Variants in ANKEF1 observed in about 807,000 individuals in gnomAD.
The protein encoded by ANKEF1 is ankyrin repeat and EF-hand domain-containing protein 1.
A neutral mutation model predicts 65.1 loss-of-function variants in ANKEF1; 43 were observed. The ratio of observed to expected loss-of-function variants is 0.66; its 90% CI spans 0.52 to 0.85. The LOEUF (loss-of-function observed/expected upper bound fraction) is 0.85. ANKEF1 is among the 40% of genes least tolerant of loss of function. ANKEF1 has a pLI of 0.00. For synonymous variants in ANKEF1, 316 were observed against 341.5 expected, an observed-to-expected ratio of 0.93 and a Z score of 0.82; for missense variants, 934 against 952.9, an observed-to-expected ratio of 0.98 and a Z score of 0.26.
rs140414240 is a variant in ANKEF1, at chr20:10,055,104, G to A, written c.2173-398G>A. Among the ~76,000 whole-genome samples, 854 of 152,176 alleles carry A rather than the reference G, an allele frequency of 5.6e-3. 4 individuals are homozygous for A. Among genetic ancestry groups the A allele is most frequent in the Non-Finnish European group, 8.2e-3 (557 of 67,998 alleles). ...CCAGGCTGAACAAGCAGCTCCCCTC[G>A]CCTTCTATTATAAAAATAATTTTGA... On this transcript the variant is annotated intron_variant, in intron 10 of 10. Coordinates refer to ENST00000378392, the MANE Select transcript of ANKEF1 (RefSeq NM_022096.6).
intron 7 of ANKEF1, 95 bp downstream of exon 7, chr20:10,050,307 G>A (rs958099693): frequency 7.2e-6 from 7 of 976,104 alleles, no homozygotes; most frequent in Non-Finnish European, 1.0e-5. Flanking sequence ...ATAGAAAAGT[G>A]CTACTTTATT....
Position 10,057,482 on chromosome 20 carries a change from A to G in ANKEF1, c.*1822A>G, listed in dbSNP as rs1341921618. On this transcript the variant is annotated 3_prime_UTR_variant, in exon 11 of 11. Coordinates refer to ENST00000378392, the MANE Select transcript of ANKEF1 (RefSeq NM_022096.6). Reference sequence around the variant, plus strand: ...GAATTCTTATATGCCCTTTACCCAGATTACCTAAATGTTAACCACTTACCA... The same window carrying G: ...GAATTCTTATATGCCCTTTACCCAGGTTACCTAAATGTTAACCACTTACCA... 4.6e-5 allele frequency: 7 copies of G among 152,158 alleles called. No homozygotes were observed. The highest frequency in any genetic ancestry group is 7.3e-5 in the Non-Finnish European group (5 of 68,038). 9.4% of individuals were successfully genotyped at this position (152,158 alleles called of 1,614,324 possible).
At position 10,057,003 on chromosome 20, in the gene ANKEF1, C is replaced by T. The variant is rs1233771884; in HGVS notation, c.*1343C>T. On this transcript the variant is annotated 3_prime_UTR_variant, in exon 11 of 11. Coordinates refer to ENST00000378392, the MANE Select transcript of ANKEF1 (RefSeq NM_022096.6). ...TGGAGGTGTACTCTGCAGTAAAAAGCTAGCTGAGGCATTATTCACACCAAG... is the reference window on the plus strand; with the variant it reads ...TGGAGGTGTACTCTGCAGTAAAAAGTTAGCTGAGGCATTATTCACACCAAG... 1 of 152,168 alleles carries T rather than the reference C, an allele frequency of 6.6e-6. No individual in the cohort carries two copies. The highest frequency in any genetic ancestry group is 2.1e-4 in the South Asian group (1 of 4,834). 9.4% of individuals were successfully genotyped at this position (152,168 alleles called of 1,614,324 possible).
chr20:10,043,310 G>T lies in ANKEF1; in HGVS notation c.535G>T (p.Ala179Ser). The change falls in exon 4 of 11, where the codon GCA becomes TCA. Residue 179 changes from alanine to serine, a missense_variant. Ala to Ser is a moderately conservative substitution (Grantham distance 99). Coordinates refer to ENST00000378392, the MANE Select transcript of ANKEF1 (RefSeq NM_022096.6). ...TTTGGAAAAAGGAGCCAATCCTAAT[G>T]CAATCAACTCAGTATGGCTATTCTT... ...TFLEKGANPN[A>S]INSSTGRTAL... The T allele has an allele frequency of 6.2e-7, 1 of 1,613,816 alleles. No individual in the cohort carries two copies.
At position 10,049,601 on chromosome 20, in the gene ANKEF1, T is replaced by C. The variant is rs1297896679; in HGVS notation, c.1032T>C (p.Phe344=). The change falls in exon 7 of 11, where the codon TTT becomes TTC. Residue 344 remains phenylalanine (F), a synonymous_variant. Transcript: ENST00000378392. Reference sequence around the variant, plus strand: ...GTGAGGCTTTCCTCCGGGAAGCCTTTGCGGTTTTAGACAGGGGTGATGGAA... The same window carrying C: ...GTGAGGCTTTCCTCCGGGAAGCCTTCGCGGTTTTAGACAGGGGTGATGGAA... ...VEREAFLREA[F]AVLDRGDGSI... The C allele has an allele frequency of 6.2e-7, 1 of 1,614,110 alleles. No individual in the cohort carries two copies. The highest frequency in any genetic ancestry group is 1.7e-5 in the Admixed American group (1 of 60,002).
chr20:10,049,283 C>A, intron 6 of ANKEF1, 107 bp from the exon 7 acceptor site: 1 of 1,083,854 alleles, frequency 9.2e-7, no homozygotes, highest in Non-Finnish European at 1.3e-6. Context: ...TTTGGGGACA[C>A]ATTTTTTACT....
In ANKEF1 at chr20:10,057,543, C is replaced by G. The variant is rs1985240901; in HGVS notation, c.*1883C>G. 6.6e-6 allele frequency: 1 copy of G among 152,156 alleles called. No homozygotes were observed. Among genetic ancestry groups the G allele is most frequent in the Non-Finnish European group, 1.5e-5 (1 of 68,024 alleles). The allele number at this position is 152,156 out of a possible 1,614,324, so 9.4% of individuals were successfully genotyped here. A position where few individuals can be genotyped will look rare whatever the true frequency, so the allele number is the denominator to read the frequency against. ...ATCTCTTTCTCCCTCTACATATATG[C>G]ATATGTATGTTTAATTTTTGTCCCC... On this transcript the variant is annotated 3_prime_UTR_variant, in exon 11 of 11. Transcript: ENST00000378392.
At chr20:10,040,598 C>T (rs1318637265) in intron 3 of ANKEF1, 2 of 152,136 alleles carry the variant, frequency 1.3e-5, no homozygotes, top group African/African-American at 4.8e-5. Flanking sequence ...GCACCCATTC[C>T]CATTCCATTG....
At chr20:10,054,638 C>A (rs1484610009) in intron 10 of ANKEF1, 39 bp downstream of exon 10, 13 of 1,564,048 alleles carry the variant, frequency 8.3e-6, no homozygotes, top group Non-Finnish European at 1.1e-5. Context: ...ATGGTAGAAG[C>A]TCATAATGTC....
At chr20:10,050,396 A>G (rs1984790243) in intron 7 of ANKEF1, among the ~76,000 whole-genome samples, 184 bp downstream of exon 7, 1 of 152,212 alleles carries the variant, frequency 6.6e-6, no homozygotes, top group Non-Finnish European at 1.5e-5. Flanking sequence ...GAATGTTATT[A>G]AAGAATGCTT....
Position 10,044,493 on chromosome 20 carries a change from A to G in ANKEF1, c.646A>G (p.Asn216Asp). The change falls in exon 5 of 11, where the codon AAC becomes GAC. Residue 216 changes from asparagine (N) to aspartate (D), a missense_variant. Physicochemically the swap from Asn to Asp is conservative, Grantham distance 23 (BLOSUM62 1). Transcript: ENST00000378392. ...AGGAGGTGAAGTGAATGCATTTGACAACGACAGGCATCACGCTGCTCATTT... is the reference window on the plus strand; with the variant it reads ...AGGAGGTGAAGTGAATGCATTTGACGACGACAGGCATCACGCTGCTCATTT... ...ERGGEVNAFDNDRHHAAHFAA... is the reference protein window; with the variant it reads ...ERGGEVNAFDDDRHHAAHFAA... The G allele has an allele frequency of 1.9e-6, 3 of 1,614,176 alleles. No individual in the cohort carries two copies. The highest frequency in any genetic ancestry group is 2.5e-6 in the Non-Finnish European group (3 of 1,180,006).
intron 9 of ANKEF1, 45 bp from the exon 10 acceptor site, chr20:10,054,417 A>T (rs764271643): frequency 7.8e-6 from 11 of 1,413,002 alleles, no homozygotes; most frequent in African/African-American, 4.5e-5. Context: ...TTAGAAAATC[A>T]GTATAGATTT....
chr20:10,039,920 C>T (rs966400138), intron 3 of ANKEF1, among the ~76,000 whole-genome samples: 2 of 151,886 alleles, frequency 1.3e-5, no homozygotes, highest in African/African-American at 2.4e-5. Flanking sequence ...AATAGAGAAA[C>T]GTTTAACTTA....
rs7260784 is a variant in ANKEF1, at chr20:10,038,521, C to G, written c.220C>G (p.Pro74Ala). Residue 74 changes from proline (P) to alanine (A), a missense_variant, in exon 3 of 11, where the codon CCT becomes GCT. Transcript: ENST00000378392. The part of the protein sequence containing the change: ...VSFLLDLGAH[P>A]DVQDRMGCTP... ...CTTTCTCCTTGACCTTGGTGCTCAC[C>G]CTGATGTGCAAGACCGAATGGGCTG... 1.2e-5 allele frequency: 20 copies of G among 1,614,068 alleles called. 1 individual carries two copies. Among genetic ancestry groups the G allele is most frequent in the Non-Finnish European group, 1.4e-5 (17 of 1,180,052 alleles).
chr20:10,054,346 T>G lies in ANKEF1; in HGVS notation c.2035-116T>G. 4 of 764,086 alleles carry G rather than the reference T, an allele frequency of 5.2e-6. No homozygotes were observed. The South Asian group carries it at 7.4e-5, about 14-fold the overall frequency. The allele number at this position is 764,086 out of a possible 1,614,324, so 47.3% of individuals were successfully genotyped here. On this transcript the variant is annotated intron_variant, in intron 9 of 10. Transcript: ENST00000378392. ...CTATTTTATCTCAAATTATAACTTGTACAGTAGCATTTTTAGGTTTCTTTC... is the reference window on the plus strand; with the variant it reads ...CTATTTTATCTCAAATTATAACTTGGACAGTAGCATTTTTAGGTTTCTTTC...
chr20:10,045,837 T>A (rs1222004496), intron 6 of ANKEF1, 140 bp downstream of exon 6: 13 of 781,766 alleles, frequency 1.7e-5, no homozygotes, highest in Non-Finnish European at 2.6e-5. Context: ...GAAAGAAAAT[T>A]GAAAATTATT....
intron 6 of ANKEF1, among the ~76,000 whole-genome samples, chr20:10,048,022 G>A (rs1427397481): frequency 2.6e-5 from 4 of 152,124 alleles, no homozygotes; most frequent in African/African-American, 9.7e-5. Flanking sequence ...CCCTGAGTAA[G>A]CAAAATAAAT....
rs201790922 is a variant in ANKEF1, at chr20:10,044,421, G to C, written c.574G>C (p.Ala192Pro). 2 of 1,614,084 alleles carry C rather than the reference G, an allele frequency of 1.2e-6. No homozygotes were observed. The highest frequency in any genetic ancestry group is 1.7e-6 in the Non-Finnish European group (2 of 1,179,982). The change falls in exon 5 of 11, where the codon GCG becomes CCG. Residue 192 changes from alanine (A) to proline (P), a missense_variant. Physicochemically the swap from Ala to Pro is conservative, Grantham distance 27. Coordinates refer to ENST00000378392, the MANE Select transcript of ANKEF1 (RefSeq NM_022096.6). Reference sequence around the variant, plus strand: ...CACAGGCCGCACAGCTTTAATGGAAGCGTCAAGAGAAGGGGTAGTGGAAAT... The same window carrying C: ...CACAGGCCGCACAGCTTTAATGGAACCGTCAAGAGAAGGGGTAGTGGAAAT... ...SSTGRTALME[A>P]SREGVVEIVR...
At position 10,038,626 on chromosome 20, in the gene ANKEF1, A is replaced by G. The variant is rs139004770; in HGVS notation, c.325A>G (p.Ile109Val). ...ILAKAKADMT[I>V]VDNEGKGVLF... Reference sequence around the variant, plus strand: ...AGCAAAGGCAAAGGCTGATATGACTATAGTTGATAATGAAGGAAAAGGTAA... The same window carrying G: ...AGCAAAGGCAAAGGCTGATATGACTGTAGTTGATAATGAAGGAAAAGGTAA... The change falls in exon 3 of 11, where the codon ATA becomes GTA. Residue 109 changes from isoleucine (I) to valine (V), a missense_variant. Transcript: ENST00000378392. 13 of 1,593,884 alleles carry G rather than the reference A, an allele frequency of 8.2e-6. No individual in the cohort carries two copies. The African/African-American group carries it at 9.4e-5, about 12-fold the overall frequency.
Sources: gnomAD v4.1 joint callset for allele counts (sites outside exome capture counted in the v4.1 genomes callset) on GRCh38, gnomAD v4.1.1 for gene constraint, MANE v1.5 for transcripts, NCBI Gene and HGNC (gene_info 2026-07-23, HGNC 2026-07-21) for gene names.